Variants in SH3BGRL2 observed in about 807,000 individuals in gnomAD.
SH3BGRL2 encodes SH3 domain-binding glutamic acid-rich-like protein 2.
A neutral mutation model predicts 14.8 loss-of-function variants in SH3BGRL2; 21 were observed. That is an observed-to-expected ratio of 1.42 (90% CI 1.01 to 2.05). SH3BGRL2 has a LOEUF of 2.05. Among genes scored for constraint, SH3BGRL2 ranks in the 30% most tolerant of loss-of-function variants. SH3BGRL2 has a pLI of 0.00. For missense variants in SH3BGRL2, 147 were observed against 130.8 expected (o/e 1.12, Z -0.61); for synonymous variants, 50 against 47.8 (o/e 1.05, Z -0.19).
At chr6:79,569,020 C>T in the SH3BGRL2 span, among the ~76,000 whole-genome samples, 4 of 152,226 alleles carry the variant, frequency 2.6e-5, no homozygotes, top group East Asian at 7.7e-4. Context: ...ATTCTGAGAA[C>T]ATGTGCCCAA....
the SH3BGRL2 span, among the ~76,000 whole-genome samples, chr6:79,606,113 A>G: frequency 2.0e-5 from 3 of 152,160 alleles, no homozygotes; most frequent in African/African-American, 4.8e-5. Flanking sequence ...GAGATGGGAC[A>G]TGGCCAGATG....
In SH3BGRL2 at chr6:79,663,766, TCA is replaced by T. The variant is rs1206699999; in HGVS notation, c.46-9845_46-9844del. Among the ~76,000 whole-genome samples, 4 of 152,202 alleles carry T rather than the reference TCA, an allele frequency of 2.6e-5. No homozygotes were observed. In the East Asian group the frequency reaches 7.7e-4, roughly 29 times the overall value. ...TGCCTTTTGTTCAGCTATGCCCTGC[TCA>T]CAGAGGTGGAGTCTATAGAGGCTGT... On this transcript the variant is annotated intron_variant, in intron 1 of 3. Transcript: ENST00000369838.
Position 79,696,556 on chromosome 6 carries a change from G to A in SH3BGRL2, c.303G>A (p.Leu101=), listed in dbSNP as rs1189330254. The change falls in exon 3 of 4, where the codon TTG becomes TTA. Residue 101 remains leucine (L), a synonymous_variant. Transcript: ENST00000369838. The stretch of plus-strand genomic sequence containing the variant: ...CATTTTTAGGCCTGAAACCACGGTT[G>A]GCATCAAAGGTAGGTAAATCTTTTC... ...VFSFLGLKPR[L]ASKAEP 6.4e-7 allele frequency: 1 copy of A among 1,562,180 alleles called. No individual in the cohort carries two copies. Among genetic ancestry groups the A allele is most frequent in the Non-Finnish European group, 8.6e-7 (1 of 1,163,700 alleles).
At chr6:79,638,418 A>G (rs1768967600) in intron 1 of SH3BGRL2, among the ~76,000 whole-genome samples, 1 of 152,184 alleles carries the variant, frequency 6.6e-6, no homozygotes, top group Non-Finnish European at 1.5e-5. Context: ...ATGAGAGTGC[A>G]GATACCTTTT....
intron 1 of SH3BGRL2, among the ~76,000 whole-genome samples, chr6:79,665,939 G>A (rs1481349662): frequency 6.6e-6 from 1 of 152,160 alleles, no homozygotes; most frequent in Middle Eastern, 3.2e-3. Flanking sequence ...AGAAACTGGA[G>A]ACACTGTACT....
At chr6:79,558,647 T>C in the SH3BGRL2 span, among the ~76,000 whole-genome samples, 3 of 151,950 alleles carry the variant, frequency 2.0e-5, no homozygotes, top group Non-Finnish European at 2.9e-5. Flanking sequence ...GGCAGATCGC[T>C]TCAGCCCAGG....
chr6:79,549,955 T>A, the SH3BGRL2 span, among the ~76,000 whole-genome samples: 1 of 152,172 alleles, frequency 6.6e-6, no homozygotes, highest in African/African-American at 2.4e-5. Flanking sequence ...TAATATTTCT[T>A]TGATTAAAAA....
chr6:79,658,220 A>C (rs1035347829), intron 1 of SH3BGRL2, among the ~76,000 whole-genome samples: 1 of 152,192 alleles, frequency 6.6e-6, no homozygotes, highest in African/African-American at 2.4e-5. Context: ...ATAGGTATAC[A>C]TGTGCCATGG....
chr6:79,579,978 A>AG, the SH3BGRL2 span, among the ~76,000 whole-genome samples: 1 of 152,210 alleles, frequency 6.6e-6, no homozygotes, highest in African/African-American at 2.4e-5. Context: ...GGAAAGCAAA[A>AG]AAAGGCAAGG....
chr6:79,656,911 A>G (rs541925318), intron 1 of SH3BGRL2, among the ~76,000 whole-genome samples: 3 of 152,314 alleles, frequency 2.0e-5, no homozygotes, highest in African/African-American at 7.2e-5. Flanking sequence ...GTAACTATAT[A>G]TTAAAATAAA....
the SH3BGRL2 span, among the ~76,000 whole-genome samples, chr6:79,581,433 T>C: frequency 6.6e-6 from 1 of 152,176 alleles, no homozygotes; most frequent in African/African-American, 2.4e-5. Context: ...TCAAAAAGCT[T>C]ATCCACCACA....
chr6:79,655,500 TG>T (rs1173608319), intron 1 of SH3BGRL2, among the ~76,000 whole-genome samples: 2 of 152,164 alleles, frequency 1.3e-5, no homozygotes, highest in African/African-American at 4.8e-5. Flanking sequence ...TCAGGATATT[TG>T]CAGAATTGTC....
the SH3BGRL2 span, among the ~76,000 whole-genome samples, chr6:79,550,594 T>A: frequency 6.6e-6 from 1 of 152,168 alleles, no homozygotes; most frequent in Admixed American, 6.5e-5. Flanking sequence ...CTAGACATGA[T>A]CTTATAGAGT....
the SH3BGRL2 span, among the ~76,000 whole-genome samples, chr6:79,615,962 A>G: frequency 6.6e-6 from 1 of 151,540 alleles, no homozygotes; most frequent in Non-Finnish European, 1.5e-5. Flanking sequence ...GATTACAGGC[A>G]TGTGCCACCA....
chr6:79,567,685 A>G, the SH3BGRL2 span, among the ~76,000 whole-genome samples: 3 of 152,222 alleles, frequency 2.0e-5, no homozygotes, highest in Non-Finnish European at 2.9e-5. Flanking sequence ...ATTTTTGCAA[A>G]TGTATGTTAC....
At chr6:79,562,034 C>G in the SH3BGRL2 span, among the ~76,000 whole-genome samples, 2 of 152,128 alleles carry the variant, frequency 1.3e-5, no homozygotes, top group Non-Finnish European at 2.9e-5. Context: ...GTCTACAAGG[C>G]CTGATTACTT....
At chr6:79,608,489 G>A in the SH3BGRL2 span, among the ~76,000 whole-genome samples, 10 of 152,124 alleles carry the variant, frequency 6.6e-5, no homozygotes, top group Admixed American at 2.0e-4. Flanking sequence ...GACAAGAAAC[G>A]TGTTTAACTC....
At chr6:79,680,040 A>G (rs1227377643) in intron 2 of SH3BGRL2, among the ~76,000 whole-genome samples, 1 of 151,892 alleles carries the variant, frequency 6.6e-6, no homozygotes, top group Non-Finnish European at 1.5e-5. Flanking sequence ...TTGCCTTTTC[A>G]CTCTGTTGAT....
intron 3 of SH3BGRL2, among the ~76,000 whole-genome samples, chr6:79,697,314 A>G (rs77695669): frequency 0.019 from 2,899 of 152,298 alleles, 81 homozygotes; most frequent in African/African-American, 0.064. Context: ...CCCAGAGCTA[A>G]CCACATTGAC....
Sources: allele counts gnomAD v4.1 joint callset (sites outside exome capture counted in the v4.1 genomes callset), GRCh38; gene constraint gnomAD v4.1.1; transcripts MANE v1.5; gene names NCBI Gene and HGNC (gene_info 2026-07-23, HGNC 2026-07-21).